The following FRMD6 variants were observed in gnomAD, a reference collection of about 807,000 sequenced individuals.
FRMD6 encodes the protein FERM domain containing 6, also known as FERM domain-containing protein 6.
In FRMD6, 37 loss-of-function variants were observed where a neutral mutation model predicts 73.2. That is an observed-to-expected ratio of 0.51 (90% CI 0.39 to 0.66). FRMD6 has a LOEUF of 0.66. FRMD6 is among the 30% of genes least tolerant of loss of function. The pLI is 0.00. For missense variants in FRMD6, 714 were observed against 780.5 expected, an observed-to-expected ratio of 0.91 and a Z score of 1.02; for synonymous variants, 273 against 282.2, an observed-to-expected ratio of 0.97 and a Z score of 0.33.
At chr14:51,655,169 C>T (rs1267090732) in intron 1 of FRMD6, among the ~76,000 whole-genome samples, 1 of 152,106 alleles carries the variant, frequency 6.6e-6, no homozygotes, top group African/African-American at 2.4e-5. Context: ...TCCTCCCCAC[C>T]CCCAACGAGG....
At chr14:51,496,898 A>C (rs1230645389) in intron 1 of FRMD6, among the ~76,000 whole-genome samples, 1 of 152,172 alleles carries the variant, frequency 6.6e-6, no homozygotes, top group Non-Finnish European at 1.5e-5. Context: ...CCAGACATAA[A>C]ATTTCTCACA....
intron 1 of FRMD6, among the ~76,000 whole-genome samples, chr14:51,527,554 A>G (rs941394088): frequency 6.6e-6 from 1 of 152,206 alleles, no homozygotes; most frequent in African/African-American, 2.4e-5. Context: ...CCTGCTTCTC[A>G]TAGAAACAAC....
chr14:51,404,479 T>C, the FRMD6 span, among the ~76,000 whole-genome samples: 1 of 152,170 alleles, frequency 6.6e-6, no homozygotes, highest in Non-Finnish European at 1.5e-5. Flanking sequence ...TATGTAACAG[T>C]CATAAAGATA....
chr14:51,457,533 A>T, the FRMD6 span, among the ~76,000 whole-genome samples: 1 of 152,286 alleles, frequency 6.6e-6, no homozygotes, highest in South Asian at 2.1e-4. Context: ...AGTTAGAGAA[A>T]TGTCCCCCAT....
the FRMD6 span, among the ~76,000 whole-genome samples, chr14:51,415,442 T>A: frequency 6.6e-6 from 1 of 152,238 alleles, no homozygotes; most frequent in Non-Finnish European, 1.5e-5. Flanking sequence ...TCTGTTTATA[T>A]GATGGATTAT....
At chr14:51,422,984 C>G in the FRMD6 span, among the ~76,000 whole-genome samples, 91 of 152,322 alleles carry the variant, frequency 6.0e-4, 1 homozygote, top group African/African-American at 2.1e-3. Context: ...AGCCAGTATG[C>G]TATTCGCATC....
At chr14:51,411,705 C>G in the FRMD6 span, among the ~76,000 whole-genome samples, 1 of 152,094 alleles carries the variant, frequency 6.6e-6, no homozygotes, top group Non-Finnish European at 1.5e-5. Context: ...GATTTAGAAC[C>G]AGGAGTTAAT....
the FRMD6 span, among the ~76,000 whole-genome samples, chr14:51,469,385 G>A: frequency 6.7e-5 from 10 of 149,982 alleles, no homozygotes; most frequent in African/African-American, 1.5e-4. Flanking sequence ...AGGCCGAGGC[G>A]GGCGGATCAC....
At chr14:51,416,727 T>G in the FRMD6 span, among the ~76,000 whole-genome samples, 1 of 152,232 alleles carries the variant, frequency 6.6e-6, no homozygotes, top group Non-Finnish European at 1.5e-5. Context: ...TCTGTCTTGT[T>G]GATCTGTCTA....
intron 1 of FRMD6, among the ~76,000 whole-genome samples, chr14:51,494,054 G>C (rs1270119976): frequency 6.6e-6 from 1 of 152,082 alleles, no homozygotes; most frequent in Non-Finnish European, 1.5e-5. Context: ...CAATTATGTG[G>C]ATTCATAAGG....
At chr14:51,563,817 C>T (rs1177263138) in intron 1 of FRMD6, among the ~76,000 whole-genome samples, 1 of 152,154 alleles carries the variant, frequency 6.6e-6, no homozygotes, top group Non-Finnish European at 1.5e-5. Context: ...TATAATCAAG[C>T]TTGGAAAGTC....
intron 1 of FRMD6, among the ~76,000 whole-genome samples, chr14:51,500,466 G>C (rs973852082): frequency 6.6e-6 from 1 of 152,110 alleles, no homozygotes; most frequent in African/African-American, 2.4e-5. Context: ...AGCGGAGGTG[G>C]CAGTGAGCCA....
At chr14:51,712,295 A>C (rs1409383037) in intron 8 of FRMD6, among the ~76,000 whole-genome samples, 188 bp from the exon 9 acceptor site, 1 of 152,368 alleles carries the variant, frequency 6.6e-6, no homozygotes, top group Non-Finnish European at 1.5e-5. Context: ...ATACAGTCAC[A>C]CAGGAACCAA....
intron 1 of FRMD6, among the ~76,000 whole-genome samples, chr14:51,669,074 G>C (rs1455746322): frequency 2.6e-5 from 4 of 152,162 alleles, no homozygotes; most frequent in Non-Finnish European, 5.9e-5. Flanking sequence ...CATGTAACCA[G>C]CACTGCGGTC....
the FRMD6 span, among the ~76,000 whole-genome samples, chr14:51,461,441 G>C: frequency 6.6e-6 from 1 of 152,144 alleles, no homozygotes; most frequent in East Asian, 1.9e-4. Context: ...TACTTCCTTT[G>C]TGTTCCTATT....
At chr14:51,610,415 A>G (rs1296211939) in intron 2 of FRMD6, among the ~76,000 whole-genome samples, 1 of 151,162 alleles carries the variant, frequency 6.6e-6, no homozygotes, top group African/African-American at 2.4e-5. Context: ...GTTGGCCATT[A>G]TTAGCTAAAC....
the FRMD6 span, among the ~76,000 whole-genome samples, chr14:51,425,224 G>C: frequency 5.3e-4 from 81 of 152,246 alleles, 1 homozygote; most frequent in African/African-American, 1.8e-3. Flanking sequence ...CCCTGCCCTG[G>C]TCTTGGCTCC....
In FRMD6 at chr14:51,686,264, A is replaced by G. The variant is rs576335394; in HGVS notation, c.-146-3427A>G. ...CCGGCACCCAGTTTCCCCTGTTGCT[A>G]ACATCTTACATGATTATGGTATATT... On this transcript the variant is annotated intron_variant, in intron 1 of 13. Coordinates refer to ENST00000344768, the MANE Select transcript of FRMD6 (RefSeq NM_001267046.2). 2.6e-5 allele frequency among the ~76,000 whole-genome samples: 4 copies of G among 152,272 alleles called. No homozygotes were observed. The South Asian group carries it at 8.3e-4, about 32-fold the overall frequency.
At chr14:51,544,368 T>C (rs188070898) in intron 1 of FRMD6, among the ~76,000 whole-genome samples, 26 of 152,208 alleles carry the variant, frequency 1.7e-4, no homozygotes, top group African/African-American at 6.0e-4. Flanking sequence ...TGATTGAGTT[T>C]CTTAAAAACT....
Sources: allele counts gnomAD v4.1 joint callset (sites outside exome capture counted in the v4.1 genomes callset), GRCh38; gene constraint gnomAD v4.1.1; transcripts MANE v1.5; gene names NCBI Gene and HGNC (gene_info 2026-07-23, HGNC 2026-07-21).